Variants in TMEM132D observed in about 807,000 individuals in gnomAD.
The protein encoded by TMEM132D is transmembrane protein 132D, also known as mature OL transmembrane protein.
Under a neutral mutation model 62.3 loss-of-function variants are expected in TMEM132D, and 21 were observed. The observed-to-expected ratio is 0.34, with a 90% CI of 0.24 to 0.49. The LOEUF (loss-of-function observed/expected upper bound fraction) is 0.49. Ranked by LOEUF, TMEM132D falls within the 20% of genes least tolerant of loss-of-function variation. TMEM132D has a pLI of 0.99. For missense variants in TMEM132D, 1,346 were observed against 1,402.8 expected, an observed-to-expected ratio of 0.96 and a Z score of 0.65; for synonymous variants, 621 against 575.6, an observed-to-expected ratio of 1.08 and a Z score of -1.13.
chr12:129,679,118 C>T (rs762923451), intron 2 of TMEM132D, among the ~76,000 whole-genome samples: 1 of 151,828 alleles, frequency 6.6e-6, no homozygotes, highest in African/African-American at 2.4e-5. Flanking sequence ...TTGTCAAGTT[C>T]CCTAAAAAAC....
At chr12:129,162,399 G>A (rs138250510) in intron 5 of TMEM132D, among the ~76,000 whole-genome samples, 1,794 of 152,242 alleles carry the variant, frequency 0.012, 42 homozygotes, top group African/African-American at 0.041. Context: ...TGTTGTTTAA[G>A]CCACCCAGTC....
At chr12:129,507,353 C>T (rs1474664740) in intron 3 of TMEM132D, among the ~76,000 whole-genome samples, 5 of 152,148 alleles carry the variant, frequency 3.3e-5, no homozygotes, top group African/African-American at 1.2e-4. Context: ...AGCAATCCCA[C>T]TACTGGATAT....
At chr12:129,866,587 T>C (rs1215906720) in intron 1 of TMEM132D, among the ~76,000 whole-genome samples, 2 of 150,510 alleles carry the variant, frequency 1.3e-5, no homozygotes, top group African/African-American at 4.9e-5. Context: ...GAACTTAAAG[T>C]ATAATAAAAA....
intron 1 of TMEM132D, among the ~76,000 whole-genome samples, chr12:129,723,946 G>A (rs1196818139): frequency 6.6e-6 from 1 of 152,174 alleles, no homozygotes; most frequent in African/African-American, 2.4e-5. Flanking sequence ...CAGAACCGGT[G>A]ACTATGTCAC....
intron 1 of TMEM132D, chr12:129,852,708 G>A (rs1873586582): frequency 6.6e-6 from 1 of 152,334 alleles, no homozygotes; most frequent in Admixed American, 6.5e-5. Context: ...TGGTATCTTG[G>A]AAGCAGGACA....
intron 1 of TMEM132D, among the ~76,000 whole-genome samples, chr12:129,842,532 G>A (rs1873230216): frequency 6.6e-6 from 1 of 151,866 alleles, no homozygotes; most frequent in South Asian, 2.1e-4. Flanking sequence ...GCAGTAGTGT[G>A]ATCTTATCTC....
intron 4 of TMEM132D, among the ~76,000 whole-genome samples, chr12:129,304,873 G>A (rs1202868828): frequency 2.6e-5 from 4 of 151,712 alleles, no homozygotes; most frequent in Non-Finnish European, 4.4e-5. Context: ...CATGTTGACC[G>A]GGCTGGTCTT....
intron 3 of TMEM132D, among the ~76,000 whole-genome samples, chr12:129,424,633 G>A (rs7137452): frequency 0.11 from 15,768 of 148,174 alleles, 1,319 homozygotes; most frequent in East Asian, 0.37. Context: ...GCGTGAACCC[G>A]GGAGGCGGAG....
At chr12:129,390,925 T>A (rs1055217170) in intron 3 of TMEM132D, among the ~76,000 whole-genome samples, 1 of 152,208 alleles carries the variant, frequency 6.6e-6, no homozygotes, top group Non-Finnish European at 1.5e-5. Flanking sequence ...AATATTGAGC[T>A]TAATATTCCC....
chr12:129,620,478 A>G (rs1401669252), intron 2 of TMEM132D, among the ~76,000 whole-genome samples: 1 of 152,184 alleles, frequency 6.6e-6, no homozygotes, highest in Non-Finnish European at 1.5e-5. Context: ...ACATGCCTGT[A>G]ATCCTAGCTG....
chr12:129,730,133 G>C lies in TMEM132D; in HGVS notation c.80-29435C>G, dbSNP rs542472916. Among the ~76,000 whole-genome samples, 4 of 152,236 alleles carry C rather than the reference G, an allele frequency of 2.6e-5. No homozygotes were observed. The South Asian group carries it at 8.3e-4, about 32-fold the overall frequency. The stretch of plus-strand genomic sequence containing the variant: ...GCCTGTTCAGCTGGTCTCTTATACG[G>C]ACGTGAGTAACAATTAAGAAATGTC... On this transcript the variant is annotated intron_variant, in intron 1 of 8. Transcript: ENST00000422113.
chr12:129,464,109 T>C (rs1873793438), intron 3 of TMEM132D, among the ~76,000 whole-genome samples: 1 of 149,790 alleles, frequency 6.7e-6, no homozygotes, highest in Non-Finnish European at 1.5e-5. Flanking sequence ...AAAGTGTTCC[T>C]ATTTCTCCAC....
At chr12:129,651,552 G>A (rs889385993) in intron 2 of TMEM132D, among the ~76,000 whole-genome samples, 2 of 152,226 alleles carry the variant, frequency 1.3e-5, no homozygotes, top group African/African-American at 2.4e-5. Context: ...AAACCACAAC[G>A]TGTCTGAAAG....
At chr12:129,855,112 C>T (rs967746084) in intron 1 of TMEM132D, among the ~76,000 whole-genome samples, 4 of 130,220 alleles carry the variant, frequency 3.1e-5, no homozygotes, top group African/African-American at 8.7e-5. Flanking sequence ...TCCGGGGGAA[C>T]GGGATGGCTG....
At chr12:129,589,186 TG>T (rs1411504476) in intron 2 of TMEM132D, among the ~76,000 whole-genome samples, 6 of 152,258 alleles carry the variant, frequency 3.9e-5, no homozygotes, top group Admixed American at 1.3e-4. Flanking sequence ...AATGGAATCA[TG>T]GGGGTAGTTT....
chr12:129,469,427 A>T (rs936703185), intron 3 of TMEM132D, among the ~76,000 whole-genome samples: 1 of 152,142 alleles, frequency 6.6e-6, no homozygotes, highest in Non-Finnish European at 1.5e-5. Context: ...GAAATTCTGG[A>T]GGGGGGGCCA....
chr12:129,781,710 T>C (rs868258287), intron 1 of TMEM132D, among the ~76,000 whole-genome samples: 4 of 152,194 alleles, frequency 2.6e-5, no homozygotes, highest in Admixed American at 6.5e-5. Flanking sequence ...AGGAAAGGCC[T>C]AAGTAGTACA....
intron 2 of TMEM132D, among the ~76,000 whole-genome samples, chr12:129,609,605 T>C (rs1010629189): frequency 4.6e-5 from 7 of 152,152 alleles, no homozygotes; most frequent in African/African-American, 1.7e-4. Context: ...CTGCAAATGC[T>C]GGGCTGGCAG....
chr12:129,157,124 A>G (rs79564290), intron 5 of TMEM132D, among the ~76,000 whole-genome samples: 1,949 of 152,192 alleles, frequency 0.013, 54 homozygotes, highest in East Asian at 0.11. Flanking sequence ...CACTTCTATG[A>G]TAGCTAACCC....
Sources: allele counts gnomAD v4.1 joint callset (sites outside exome capture counted in the v4.1 genomes callset), GRCh38; gene constraint gnomAD v4.1.1; transcripts MANE v1.5; gene names NCBI Gene and HGNC (gene_info 2026-07-23, HGNC 2026-07-21).